The following SNAP29 variants were observed in gnomAD, a reference collection of about 807,000 sequenced individuals.
SNAP29 encodes synaptosomal-associated protein 29.
Under a neutral mutation model 27.9 loss-of-function variants are expected in SNAP29, and 13 were observed. The observed-to-expected ratio is 0.47, with a 90% CI of 0.30 to 0.74. SNAP29 has a LOEUF of 0.74. SNAP29 is among the 30% of genes least tolerant of loss of function. The pLI is 0.06. For synonymous variants in SNAP29, 119 were observed against 127.1 expected, an observed-to-expected ratio of 0.94 and a Z score of 0.43; for missense variants, 368 against 336.5, an observed-to-expected ratio of 1.09 and a Z score of -0.73.
intron 2 of SNAP29, among the ~76,000 whole-genome samples, chr22:20,876,677 C>T (rs1928753993): frequency 6.6e-6 from 1 of 151,530 alleles, no homozygotes. Flanking sequence ...ACGCCATTCT[C>T]CTGCCTCAGC....
At chr22:20,875,573 AC>A (rs1928720110) in intron 2 of SNAP29, among the ~76,000 whole-genome samples, 1 of 152,122 alleles carries the variant, frequency 6.6e-6, no homozygotes, top group African/African-American at 2.4e-5. Flanking sequence ...TTTTGAGGGA[AC>A]CCACCAATTG....
At position 20,890,251 on chromosome 22, in the gene SNAP29, A is replaced by G. The variant is rs1016809067; in HGVS notation, c.*2415A>G. 4 of 398,408 alleles carry G rather than the reference A, an allele frequency of 1.0e-5. No homozygotes were observed. The highest frequency in any genetic ancestry group is 2.1e-5 in the African/African-American group (1 of 48,596). The allele number at this position is 398,408 out of a possible 1,614,324, so 24.7% of individuals were successfully genotyped here. A position where few individuals can be genotyped will look rare whatever the true frequency, so the allele number is the denominator to read the frequency against. Reference sequence around the variant, plus strand: ...TAACATGGCTCCAGAAACTTTTCACATGATGATTGGGATCGACAAAAAAAT... The same window carrying G: ...TAACATGGCTCCAGAAACTTTTCACGTGATGATTGGGATCGACAAAAAAAT... On this transcript the variant is annotated 3_prime_UTR_variant, in exon 5 of 5. Coordinates refer to ENST00000215730, the MANE Select transcript of SNAP29 (RefSeq NM_004782.4).
chr22:20,887,543 A>G (rs772894176), intron 4 of SNAP29, 136 bp from the exon 5 acceptor site: 25 of 886,536 alleles, frequency 2.8e-5, no homozygotes, highest in Non-Finnish European at 4.6e-5. Flanking sequence ...TTAAGTCAAG[A>G]CTCATCTCTG....
chr22:20,874,131 C>T (rs1017262945), intron 2 of SNAP29, among the ~76,000 whole-genome samples: 42 of 149,712 alleles, frequency 2.8e-4, no homozygotes, highest in Admixed American at 8.7e-4. Context: ...AAATATTATC[C>T]GGGTGTGGTG....
At chr22:20,873,552 G>A (rs971050689) in intron 2 of SNAP29, among the ~76,000 whole-genome samples, 4 of 152,150 alleles carry the variant, frequency 2.6e-5, no homozygotes, top group Non-Finnish European at 5.9e-5. Context: ...GCCATCAAGA[G>A]TTATGGAGAG....
chr22:20,870,441 C>G lies in SNAP29; in HGVS notation c.342C>G (p.Ser114Arg). Reference protein sequence around the residue: ...ISQKHINSIKSVFGGLVNYFK... With the variant: ...ISQKHINSIKRVFGGLVNYFK... ...AGAAACACATCAATAGCATTAAGAG[C>G]GTGTTTGGGGGGCTGGTCAATTACT... is the stretch of plus-strand genomic sequence containing the variant. The change falls in exon 2 of 5, where the codon AGC (serine) becomes AGG (arginine). Residue 114 changes from serine to arginine, a missense_variant. Ser to Arg is a moderately radical substitution (Grantham distance 110, BLOSUM62 -1). Transcript: ENST00000215730. 6.2e-7 allele frequency: 1 copy of G among 1,614,104 alleles called. No homozygotes were observed. The highest frequency in any genetic ancestry group is 8.5e-7 in the Non-Finnish European group (1 of 1,179,980).
chr22:20,881,175 G>T (rs970078818), intron 3 of SNAP29, 41 bp downstream of exon 3: 14 of 1,377,610 alleles, frequency 1.0e-5, no homozygotes, highest in African/African-American at 1.4e-5. Context: ...TTGAATTCTG[G>T]GGGGAGACCT....
chr22:20,860,971 A>G (rs1308128388), intron 1 of SNAP29, among the ~76,000 whole-genome samples: 4 of 152,162 alleles, frequency 2.6e-5, no homozygotes, highest in Admixed American at 6.5e-5. Flanking sequence ...CAGGATGTCA[A>G]GGTTGCAGTG....
At chr22:20,865,832 G>A (rs1254688586) in intron 1 of SNAP29, among the ~76,000 whole-genome samples, 6 of 152,218 alleles carry the variant, frequency 3.9e-5, no homozygotes, top group Non-Finnish European at 7.3e-5. Context: ...TCCAAGCAGT[G>A]CGTGACAACA....
At position 20,890,284 on chromosome 22, in the gene SNAP29, T is replaced by G; in HGVS notation, c.*2448T>G. The G allele has an allele frequency of 2.5e-6, 1 of 398,554 alleles. No homozygotes were observed. The highest frequency in any genetic ancestry group is 4.4e-6 in the Non-Finnish European group (1 of 226,058). 24.7% of individuals were successfully genotyped at this position (398,554 alleles called of 1,614,324 possible). A position where few individuals can be genotyped will look rare whatever the true frequency, so the allele number is the denominator to read the frequency against. On this transcript the variant is annotated 3_prime_UTR_variant, in exon 5 of 5. Coordinates refer to ENST00000215730, the MANE Select transcript of SNAP29 (RefSeq NM_004782.4). Reference sequence around the variant, plus strand: ...TGGGATCGACAAAAAAATGCTACCCTCTAGACTAGACACATTTCATGGAGA... The same window carrying G: ...TGGGATCGACAAAAAAATGCTACCCGCTAGACTAGACACATTTCATGGAGA...
At chr22:20,870,775 G>A (rs1192596927) in intron 2 of SNAP29, 15 of 581,638 alleles carry the variant, frequency 2.6e-5, no homozygotes, top group African/African-American at 1.1e-4. Flanking sequence ...CCACTACTTT[G>A]AAAGAGAGGG....
chr22:20,871,211 T>C (rs986433369), intron 2 of SNAP29, among the ~76,000 whole-genome samples: 1 of 151,804 alleles, frequency 6.6e-6, no homozygotes, highest in African/African-American at 2.4e-5. Context: ...ATTATAAGGC[T>C]GGGCTCAGTG....
At position 20,859,073 on chromosome 22, in the gene SNAP29, C is replaced by G. The variant is rs753623313; in HGVS notation, c.-38C>G. 1 of 1,529,190 alleles carries G rather than the reference C, an allele frequency of 6.5e-7. No individual in the cohort carries two copies. The highest frequency in any genetic ancestry group is 9.0e-7 in the Non-Finnish European group (1 of 1,112,550). 94.7% of individuals were successfully genotyped at this position (1,529,190 alleles called of 1,614,324 possible). On this transcript the variant is annotated 5_prime_UTR_variant, in exon 1 of 5. Coordinates refer to ENST00000215730, the MANE Select transcript of SNAP29 (RefSeq NM_004782.4). ...CTGGACGGCGGCGGCAGTGGGGCTC[C>G]TCCTTCTGTTTCCCAGACCGAGAGC...
chr22:20,884,763 A>ATTATGTTTTG (rs1443795807), intron 4 of SNAP29, among the ~76,000 whole-genome samples: 1 of 124,842 alleles, frequency 8.0e-6, no homozygotes, highest in Non-Finnish European at 1.7e-5. Context: ...GCACTTAGTG[A>ATTATGTTTTG]TTATGTTTTG....
At chr22:20,865,657 T>A (rs1187090388) in intron 1 of SNAP29, among the ~76,000 whole-genome samples, 1 of 152,162 alleles carries the variant, frequency 6.6e-6, no homozygotes, top group East Asian at 1.9e-4. Flanking sequence ...ACTGATTCAC[T>A]GGAAGGATGC....
intron 4 of SNAP29, among the ~76,000 whole-genome samples, 187 bp downstream of exon 4, chr22:20,883,756 T>G (rs8140301): frequency 6.6e-6 from 1 of 152,098 alleles, no homozygotes; most frequent in African/African-American, 2.4e-5. Flanking sequence ...CATTTCCTAC[T>G]TCTAGCCCAG....
intron 1 of SNAP29, among the ~76,000 whole-genome samples, chr22:20,860,484 C>T (rs182085702): frequency 1.7e-4 from 25 of 151,288 alleles, no homozygotes; most frequent in Non-Finnish European, 3.2e-4. Flanking sequence ...ATTCTCCTGC[C>T]TCAGCCTCCC....
At chr22:20,885,343 A>G (rs1336656865) in intron 4 of SNAP29, among the ~76,000 whole-genome samples, 2 of 152,116 alleles carry the variant, frequency 1.3e-5, no homozygotes, top group East Asian at 1.9e-4. Context: ...ACTGAAACCC[A>G]TGAAGATGCA....
chr22:20,863,168 C>T (rs1928369993), intron 1 of SNAP29, among the ~76,000 whole-genome samples: 1 of 152,196 alleles, frequency 6.6e-6, no homozygotes, highest in African/African-American at 2.4e-5. Context: ...TTACAGGCTC[C>T]AAGCTGTCTT....
Sources: gnomAD v4.1 joint callset for allele counts (sites outside exome capture counted in the v4.1 genomes callset) on GRCh38, gnomAD v4.1.1 for gene constraint, MANE v1.5 for transcripts, NCBI Gene and HGNC (gene_info 2026-07-23, HGNC 2026-07-21) for gene names.